The following BPHL variants were observed in gnomAD, a reference collection of about 807,000 sequenced individuals.
BPHL encodes serine hydrolase BPHL.
Under a neutral mutation model 31.2 loss-of-function variants are expected in BPHL, and 27 were observed. The ratio of observed to expected loss-of-function variants is 0.87; its 90% CI spans 0.64 to 1.19. The LOEUF is 1.19. BPHL is among the 50% of genes most tolerant of loss of function. The pLI is 0.00. For missense variants in BPHL, 356 were observed against 375.7 expected, an observed-to-expected ratio of 0.95 and a Z score of 0.43; for synonymous variants, 150 against 146.8, an observed-to-expected ratio of 1.02 and a Z score of -0.16.
intron 4 of BPHL, 36 bp downstream of exon 4, chr6:3,129,234 A>T: frequency 6.6e-7 from 1 of 1,519,356 alleles, no homozygotes; most frequent in Non-Finnish European, 8.8e-7. Context: ...GGGACGGCAG[A>T]TCCTTCCCCT....
At chr6:3,121,416 C>G (rs993641923) in intron 1 of BPHL, among the ~76,000 whole-genome samples, 1 of 150,412 alleles carries the variant, frequency 6.6e-6, no homozygotes, top group South Asian at 2.1e-4. Context: ...TCCCCTGCCT[C>G]AGCCTTCTGA....
At chr6:3,132,179 C>T (rs1033852533) in intron 4 of BPHL, among the ~76,000 whole-genome samples, 1 of 152,218 alleles carries the variant, frequency 6.6e-6, no homozygotes, top group African/African-American at 2.4e-5. Context: ...TGTGGCCCGC[C>T]AGTGTGCTAG....
At chr6:3,150,575 C>A (rs1270509869) in intron 6 of BPHL, among the ~76,000 whole-genome samples, 1 of 152,214 alleles carries the variant, frequency 6.6e-6, no homozygotes, top group Non-Finnish European at 1.5e-5. Flanking sequence ...ATGTGCTTAG[C>A]AGTTGGGGGT....
intron 4 of BPHL, among the ~76,000 whole-genome samples, chr6:3,131,457 A>G (rs188840340): frequency 2.0e-5 from 3 of 152,286 alleles, no homozygotes; most frequent in South Asian, 2.1e-4. Context: ...CTGTTGTTAC[A>G]TAATACCCCT....
At chr6:3,138,123 A>T in intron 5 of BPHL, 1 of 689,816 alleles carries the variant, frequency 1.4e-6, no homozygotes, top group Non-Finnish European at 2.2e-6. Context: ...GGTTCAAGCG[A>T]TTGCTCTGCC....
At position 3,118,737 on chromosome 6, in the gene BPHL, G is replaced by C; in HGVS notation, c.-4G>C. On this transcript the variant is annotated 5_prime_UTR_variant, in exon 1 of 7. Coordinates refer to ENST00000380379, the MANE Select transcript of BPHL (RefSeq NM_004332.4). ...CACTCCCGGCAGCTACGCGACCTGTGACCATGGTGGCTGTGCTGGGCGGCC... is the reference window on the plus strand; with the variant it reads ...CACTCCCGGCAGCTACGCGACCTGTCACCATGGTGGCTGTGCTGGGCGGCC... 1 of 1,261,654 alleles carries C rather than the reference G, an allele frequency of 7.9e-7. No homozygotes were observed. Among genetic ancestry groups the C allele is most frequent in the African/African-American group, 1.5e-5 (1 of 64,736 alleles). 78.2% of individuals were successfully genotyped at this position (1,261,654 alleles called of 1,614,324 possible).
chr6:3,129,033 G>A lies in BPHL; in HGVS notation c.379-12G>A, dbSNP rs201828162. On this transcript the variant is annotated splice_polypyrimidine_tract_variant and intron_variant, in intron 3 of 6. Coordinates refer to ENST00000380379, the MANE Select transcript of BPHL (RefSeq NM_004332.4). ...AATAACCCGTGCCGTGCATTTTGTC[G>A]TATGATCATAGGCGCTGAAGTTTAA... 2.9e-5 allele frequency: 47 copies of A among 1,614,106 alleles called. No homozygotes were observed. Among genetic ancestry groups the A allele is most frequent in the Admixed American group, 1.3e-4 (8 of 60,012 alleles).
chr6:3,146,327 AGAGTGCTGGTTCGGGGTG>A (rs1762359632), intron 6 of BPHL, among the ~76,000 whole-genome samples: 1 of 6,766 alleles, frequency 1.5e-4, no homozygotes, highest in African/African-American at 4.7e-4. Context: ...GGTTCGGGTC[AGAGTGCTGGTTCGGGGTG>A]GAGTGCTGGT....
At chr6:3,123,616 C>T (rs1672555483) in intron 1 of BPHL, 41 bp from the exon 2 acceptor site, 2 of 1,555,702 alleles carry the variant, frequency 1.3e-6, no homozygotes, top group Non-Finnish European at 1.8e-6. Flanking sequence ...ATCTTCCCAT[C>T]TCCCCTTTCC....
chr6:3,119,399 A>G, intron 1 of BPHL: 1 of 1,607,332 alleles, frequency 6.2e-7, no homozygotes, highest in Non-Finnish European at 8.5e-7. Flanking sequence ...CACGTTGGGA[A>G]CTGAAAATTC....
In BPHL at chr6:3,119,505, C is replaced by T; in HGVS notation, c.107+658C>T. Reference sequence around the variant, plus strand: ...TCTTTTGTCCTCCCACCTGTCCCCCCATTTCAGGTAAAACAATAACAAAAA... The same window carrying T: ...TCTTTTGTCCTCCCACCTGTCCCCCTATTTCAGGTAAAACAATAACAAAAA... On this transcript the variant is annotated intron_variant, in intron 1 of 6. Transcript: ENST00000380379. The T allele has an allele frequency of 3.7e-6, 6 of 1,614,112 alleles. No individual in the cohort carries two copies. In the South Asian group the frequency reaches 4.4e-5, roughly 12 times the overall value.
chr6:3,129,310 T>C, intron 4 of BPHL, 112 bp downstream of exon 4: 2 of 1,318,424 alleles, frequency 1.5e-6, no homozygotes, highest in Non-Finnish European at 2.0e-6. Context: ...CTTCTAGTTC[T>C]CAACTCTCAG....
chr6:3,119,220 A>G (rs1018903370), intron 1 of BPHL: 2 of 1,428,294 alleles, frequency 1.4e-6, no homozygotes, highest in South Asian at 1.2e-5. Context: ...TCATTAGTCC[A>G]TTGCTCTGTC....
At chr6:3,137,114 G>A (rs1040298803) in intron 4 of BPHL, among the ~76,000 whole-genome samples, 1 of 152,010 alleles carries the variant, frequency 6.6e-6, no homozygotes, top group South Asian at 2.1e-4. Context: ...CTGGGGTACA[G>A]TGGGGAGCAA....
At chr6:3,139,374 A>T (rs929981066) in intron 5 of BPHL, 1 of 152,232 alleles carries the variant, frequency 6.6e-6, no homozygotes, top group Non-Finnish European at 1.5e-5. Flanking sequence ...GCACTCAGGC[A>T]TGTTGACTTT....
intron 6 of BPHL, among the ~76,000 whole-genome samples, chr6:3,146,484 GCTGGAGTGCT>G (rs1762369408): frequency 7.3e-6 from 1 of 137,106 alleles, no homozygotes; most frequent in African/African-American, 2.9e-5. Context: ...GCTGGTTCCA[GCTGGAGTGCT>G]GGTTTGGGGT....
intron 6 of BPHL, among the ~76,000 whole-genome samples, chr6:3,141,034 T>G (rs919709794): frequency 1.3e-5 from 2 of 152,190 alleles, no homozygotes; most frequent in African/African-American, 4.8e-5. Context: ...ACTGCTCCCT[T>G]CTCGCTCTGT....
In BPHL at chr6:3,141,111, A is replaced by G. The variant is rs539200177; in HGVS notation, c.788+602A>G. On this transcript the variant is annotated intron_variant, in intron 6 of 6. Transcript: ENST00000380379. ...AAGGAGGAAAAAAAGTTTCTTTTCT[A>G]TAATAAAATACAATTACCATAAACC... 3.9e-5 allele frequency among the ~76,000 whole-genome samples: 6 copies of G among 152,380 alleles called. No individual in the cohort carries two copies. In the East Asian group the frequency reaches 9.6e-4, roughly 24 times the overall value.
intron 6 of BPHL, among the ~76,000 whole-genome samples, chr6:3,147,151 C>T (rs1762407788): frequency 6.6e-6 from 1 of 152,088 alleles, no homozygotes; most frequent in Non-Finnish European, 1.5e-5. Context: ...GTCCAAGCTA[C>T]TCAGGAGGCT....
Sources: gnomAD v4.1 joint callset for allele counts (sites outside exome capture counted in the v4.1 genomes callset) on GRCh38, gnomAD v4.1.1 for gene constraint, MANE v1.5 for transcripts, NCBI Gene and HGNC (gene_info 2026-07-23, HGNC 2026-07-21) for gene names.